The following PRDM16 variants were observed in gnomAD, a reference collection of about 807,000 sequenced individuals.
PRDM16 encodes the protein PR/SET domain 16, also known as histone-lysine N-methyltransferase PRDM16.
PRDM16 carries 23 observed loss-of-function variants against 110.6 expected under a neutral mutation model. That is an observed-to-expected ratio of 0.21 (90% CI 0.15 to 0.29). The LOEUF is 0.29. Among genes scored for constraint, PRDM16 ranks in the 10% least tolerant of loss-of-function variants. The pLI, the probability that PRDM16 is intolerant of heterozygous loss-of-function variation, is 1.00. For synonymous variants in PRDM16, 799 were observed against 781.8 expected (o/e 1.02, Z -0.37); for missense variants, 1,615 against 1,794.3 (o/e 0.90, Z 1.81).
Position 3,136,342 on chromosome 1 carries a change from CTGGT to C in PRDM16, c.38-49782_38-49779del, listed in dbSNP as rs539318187. ...CCTCAGACCCGCTGTCCGGGGACCT[CTGGT>C]GTCGTCCATTTTACAGACGAGGCAG... On this transcript the variant is annotated intron_variant, in intron 1 of 16. Coordinates refer to ENST00000270722, the MANE Select transcript of PRDM16 (RefSeq NM_022114.4). 2.9e-3 allele frequency among the ~76,000 whole-genome samples: 446 copies of C among 152,338 alleles called. 5 individuals carry two copies. The highest frequency in any genetic ancestry group is 5.3e-4 in the Non-Finnish European group (36 of 68,028).
chr1:3,396,017 G>T (rs116194432), intron 4 of PRDM16, among the ~76,000 whole-genome samples: 1 of 152,322 alleles, frequency 6.6e-6, no homozygotes, highest in East Asian at 1.9e-4. Flanking sequence ...GCAGCCCCAT[G>T]TCCTGACTCA....
intron 2 of PRDM16, 138 bp downstream of exon 2, chr1:3,186,612 C>T (rs1440814606): frequency 3.3e-6 from 2 of 598,766 alleles, no homozygotes; most frequent in Non-Finnish European, 5.7e-6. Context: ...CATTTCCCAG[C>T]CTATTTTATC....
At position 3,351,087 on chromosome 1, in the gene PRDM16, G is replaced by T. The variant is rs1043930583; in HGVS notation, c.439-34065G>T. ...AGATCCCCGTGTCCTGGGAATGGCC[G>T]CTGGCTCGCTGGGCCAGACGTTTTG... On this transcript the variant is annotated intron_variant, in intron 3 of 16. Transcript: ENST00000270722. Among the ~76,000 whole-genome samples, 15 of 152,320 alleles carry T rather than the reference G, an allele frequency of 9.8e-5. 3 individuals are homozygous for T. The highest frequency in any genetic ancestry group is 3.9e-4 in the Admixed American group (6 of 15,312).
chr1:3,343,005 A>T (rs1642300830), intron 3 of PRDM16, among the ~76,000 whole-genome samples: 1 of 152,032 alleles, frequency 6.6e-6, no homozygotes, highest in Non-Finnish European at 1.5e-5. Context: ...TTTCATTTTG[A>T]TATAAATTGT....
rs201309284 is a variant in PRDM16, at chr1:3,411,385, T to C, written c.1188T>C (p.Cys396=). The C allele has an allele frequency of 3.2e-4, 515 of 1,597,878 alleles. 4 individuals are homozygous for C. In the African/African-American group the frequency reaches 5.8e-3, roughly 18 times the overall value. ...HIHSTVKPFI[C]EVCHKSYTQF... is the part of the protein sequence containing the mutation. ...TCTTGGCTTCTGCTGATGTTTTAGG[T>C]GAGGTCTGCCACAAGTCCTACACGC... The change falls in exon 9 of 17, where the codon TGT becomes TGC. Residue 396 remains cysteine, a splice_region_variant and synonymous_variant. Transcript: ENST00000270722.
chr1:3,195,664 A>T (rs1256818589), intron 2 of PRDM16, among the ~76,000 whole-genome samples: 2 of 151,732 alleles, frequency 1.3e-5, no homozygotes, highest in Non-Finnish European at 2.9e-5. Flanking sequence ...ACCTGAAAAC[A>T]TCATCAGGGC....
At chr1:3,393,154 C>G (rs1643324411) in intron 4 of PRDM16, among the ~76,000 whole-genome samples, 2 of 152,198 alleles carry the variant, frequency 1.3e-5, no homozygotes, top group Non-Finnish European at 2.9e-5. Context: ...ATCCTTAAAC[C>G]AAAGGGAAAA....
At chr1:3,181,277 C>T (rs564655932) in intron 1 of PRDM16, among the ~76,000 whole-genome samples, 125 of 145,546 alleles carry the variant, frequency 8.6e-4, no homozygotes, top group Middle Eastern at 7.4e-3. Flanking sequence ...CACGGCCTTA[C>T]GCATGGTCTT....
intron 3 of PRDM16, among the ~76,000 whole-genome samples, chr1:3,304,195 G>GGACCCCA (rs1641263607): frequency 6.7e-6 from 1 of 150,258 alleles, no homozygotes; most frequent in Non-Finnish European, 1.5e-5. Context: ...CAGTGACACG[G>GGACCCCA]GACCCCAGCC....
At chr1:3,332,931 C>T (rs937180962) in intron 3 of PRDM16, among the ~76,000 whole-genome samples, 1 of 152,208 alleles carries the variant, frequency 6.6e-6, no homozygotes, top group Non-Finnish European at 1.5e-5. Context: ...CTCACTGTAG[C>T]GTGGGCCAGT....
chr1:3,399,686 T>C (rs926380790), intron 5 of PRDM16, among the ~76,000 whole-genome samples: 1 of 152,242 alleles, frequency 6.6e-6, no homozygotes, highest in African/African-American at 2.4e-5. Context: ...ATTTGCAATC[T>C]AAATTTTTAT....
intron 3 of PRDM16, among the ~76,000 whole-genome samples, chr1:3,352,994 G>A (rs1642524767): frequency 6.6e-6 from 1 of 152,226 alleles, no homozygotes; most frequent in Non-Finnish European, 1.5e-5. Context: ...CGGAGGCAGA[G>A]GGCTTCCCGG....
At chr1:3,366,760 T>G (rs1158197055) in intron 3 of PRDM16, among the ~76,000 whole-genome samples, 2 of 152,114 alleles carry the variant, frequency 1.3e-5, no homozygotes, top group Non-Finnish European at 2.9e-5. Flanking sequence ...CTAGGTCAAA[T>G]GTTTATTATT....
chr1:3,281,281 G>A (rs187823849), intron 3 of PRDM16, among the ~76,000 whole-genome samples: 136 of 152,324 alleles, frequency 8.9e-4, no homozygotes, highest in African/African-American at 3.2e-3. Context: ...CTGCTGAGAC[G>A]CTCCCTTCCT....
At chr1:3,305,848 C>T (rs749107202) in intron 3 of PRDM16, among the ~76,000 whole-genome samples, 3 of 152,230 alleles carry the variant, frequency 2.0e-5, no homozygotes, top group Admixed American at 6.5e-5. Flanking sequence ...GGGTGATGCC[C>T]GTGCTGCTTT....
chr1:3,412,281 C>CCAT lies in PRDM16; in HGVS notation c.2086_2088dup (p.Ile696dup). ...GGCGCCGCCGGGGACTCCATCAAGGCCATCGCATCCATTGCCGAGAAGTAC... is the reference window on the plus strand; with the variant it reads ...GGCGCCGCCGGGGACTCCATCAAGGCCATCATCGCATCCATTGCCGAGAAGTAC... On this transcript the variant is annotated inframe_insertion, in exon 9 of 17. Coordinates refer to ENST00000270722, the MANE Select transcript of PRDM16 (RefSeq NM_022114.4). The CCAT allele has an allele frequency of 6.2e-7, 1 of 1,613,582 alleles. No individual in the cohort carries two copies.
chr1:3,136,962 G>C (rs1169428978), intron 1 of PRDM16, among the ~76,000 whole-genome samples: 1 of 152,242 alleles, frequency 6.6e-6, no homozygotes, highest in Non-Finnish European at 1.5e-5. Context: ...GGGCTGGAGA[G>C]AGGCTGGTGC....
intron 3 of PRDM16, among the ~76,000 whole-genome samples, chr1:3,272,587 A>G (rs1368190304): frequency 1.3e-5 from 2 of 152,136 alleles, no homozygotes; most frequent in Non-Finnish European, 2.9e-5. Flanking sequence ...GAGCCTGGGG[A>G]CATTCATGCT....
At chr1:3,133,584 T>C (rs1233401577) in intron 1 of PRDM16, 1 of 152,440 alleles carries the variant, frequency 6.6e-6, no homozygotes, top group South Asian at 2.1e-4. Flanking sequence ...AAGATCCACC[T>C]TGGCAGGGGC....
Sources: gnomAD v4.1 joint callset for allele counts (sites outside exome capture counted in the v4.1 genomes callset) on GRCh38, gnomAD v4.1.1 for gene constraint, MANE v1.5 for transcripts, NCBI Gene and HGNC (gene_info 2026-07-23, HGNC 2026-07-21) for gene names.